CFAP299: variants seen among roughly 807,000 people sequenced by gnomAD.
The protein encoded by CFAP299 is cilia and flagella associated protein 299.
A neutral mutation model predicts 27.0 loss-of-function variants in CFAP299; 21 were observed. The ratio of observed to expected loss-of-function variants is 0.78; its 90% confidence interval spans 0.55 to 1.12. CFAP299 has a LOEUF of 1.12. Among genes scored for constraint, CFAP299 ranks in the 50% most tolerant of loss-of-function variants. The probability of loss-of-function intolerance (pLI) is 0.00; values close to 1 mark genes in which losing one functional copy is unlikely to be tolerated. For synonymous variants in CFAP299, 104 were observed against 98.1 expected (o/e 1.06, Z -0.36); for missense variants, 310 against 276.6 (o/e 1.12, Z -0.86).
intron 2 of CFAP299, among the ~76,000 whole-genome samples, chr4:80,551,863 C>T (rs1039402701): frequency 6.6e-6 from 1 of 151,940 alleles, no homozygotes; most frequent in Non-Finnish European, 1.5e-5. Flanking sequence ...TTTTTCCTGC[C>T]TCAGCCTCCC....
intron 2 of CFAP299, among the ~76,000 whole-genome samples, chr4:80,550,102 G>A (rs35219858): frequency 0.17 from 26,449 of 151,628 alleles, 3,289 homozygotes; most frequent in African/African-American, 0.35. Context: ...AATATTTTAT[G>A]ATTATTGTAT....
intron 3 of CFAP299, among the ~76,000 whole-genome samples, chr4:80,781,385 A>G (rs1726868283): frequency 6.6e-6 from 1 of 152,038 alleles, no homozygotes; most frequent in Non-Finnish European, 1.5e-5. Context: ...TGTGATATTG[A>G]TATATTAGAT....
intron 2 of CFAP299, among the ~76,000 whole-genome samples, chr4:80,552,095 A>G (rs976172134): frequency 2.0e-5 from 3 of 152,204 alleles, no homozygotes; most frequent in Admixed American, 2.0e-4. Flanking sequence ...TTAAGATAAA[A>G]GCATTCTATG....
intron 3 of CFAP299, among the ~76,000 whole-genome samples, chr4:80,611,996 A>G (rs1738007250): frequency 6.6e-6 from 1 of 152,098 alleles, no homozygotes; most frequent in Admixed American, 6.6e-5. Context: ...GCTGTGTGAA[A>G]TTCACAAATC....
intron 2 of CFAP299, among the ~76,000 whole-genome samples, chr4:80,457,823 T>A (rs2110103058): frequency 6.6e-6 from 1 of 152,292 alleles, no homozygotes; most frequent in East Asian, 1.9e-4. Flanking sequence ...CCATCTACAA[T>A]AGAGACTACT....
chr4:80,599,094 T>C (rs1737201220), intron 3 of CFAP299, among the ~76,000 whole-genome samples: 1 of 152,202 alleles, frequency 6.6e-6, no homozygotes, highest in South Asian at 2.1e-4. Flanking sequence ...AAGGAGAAAG[T>C]CTTTAAGTAT....
At chr4:80,841,612 A>T (rs1445939783) in intron 3 of CFAP299, among the ~76,000 whole-genome samples, 1 of 152,112 alleles carries the variant, frequency 6.6e-6, no homozygotes, top group Non-Finnish European at 1.5e-5. Context: ...ATTATATATG[A>T]TCCCAAATTA....
At chr4:80,535,171 A>C (rs1368932199) in intron 2 of CFAP299, among the ~76,000 whole-genome samples, 1 of 152,142 alleles carries the variant, frequency 6.6e-6, no homozygotes, top group Non-Finnish European at 1.5e-5. Context: ...GTGGGAAACT[A>C]GTTCCCGCTT....
At chr4:80,934,956 A>G (rs911479587) in intron 4 of CFAP299, among the ~76,000 whole-genome samples, 2 of 151,946 alleles carry the variant, frequency 1.3e-5, no homozygotes, top group Admixed American at 6.6e-5. Context: ...CTCCTTGAAT[A>G]TAAATTTAGA....
intron 2 of CFAP299, among the ~76,000 whole-genome samples, chr4:80,432,983 C>T (rs1390109416): frequency 6.6e-6 from 1 of 151,836 alleles, no homozygotes; most frequent in Non-Finnish European, 1.5e-5. Flanking sequence ...TCTTATATTC[C>T]TGATAGAGCA....
chr4:80,459,220 C>A (rs1729319310), intron 2 of CFAP299, among the ~76,000 whole-genome samples: 1 of 152,082 alleles, frequency 6.6e-6, no homozygotes, highest in African/African-American at 2.4e-5. Context: ...GAACTCCTGG[C>A]CTCTAGCAGT....
intron 3 of CFAP299, among the ~76,000 whole-genome samples, chr4:80,829,016 T>C (rs573976357): frequency 1.3e-5 from 2 of 151,802 alleles, no homozygotes; most frequent in Non-Finnish European, 2.9e-5. Context: ...TTCATAACAC[T>C]ATATTTGCAA....
intron 3 of CFAP299, among the ~76,000 whole-genome samples, chr4:80,712,659 G>A (rs1722243699): frequency 6.6e-6 from 1 of 151,988 alleles, no homozygotes; most frequent in African/African-American, 2.4e-5. Flanking sequence ...ATATTATAAT[G>A]TGTCTAAAGA....
At chr4:80,854,735 G>T (rs1215955629) in intron 3 of CFAP299, among the ~76,000 whole-genome samples, 2 of 149,252 alleles carry the variant, frequency 1.3e-5, no homozygotes, top group South Asian at 2.1e-4. Context: ...GGGAGCGTGG[G>T]CGTTTATGGT....
At chr4:80,763,420 G>A (rs142293531) in intron 3 of CFAP299, among the ~76,000 whole-genome samples, 1 of 151,936 alleles carries the variant, frequency 6.6e-6, no homozygotes, top group Admixed American at 6.6e-5. Flanking sequence ...CCTCTTCAAG[G>A]ACAACTACAA....
At chr4:80,722,675 C>T (rs980827273) in intron 3 of CFAP299, among the ~76,000 whole-genome samples, 3 of 152,042 alleles carry the variant, frequency 2.0e-5, no homozygotes, top group Admixed American at 1.3e-4. Context: ...CTGAGGCAGG[C>T]GGATCACGAG....
chr4:80,753,198 A>G (rs1016490453), intron 3 of CFAP299, among the ~76,000 whole-genome samples: 1 of 151,732 alleles, frequency 6.6e-6, no homozygotes, highest in East Asian at 1.9e-4. Flanking sequence ...AAATGTCTCT[A>G]TTTATTTTTG....
At chr4:80,418,460 A>G (rs887532770) in intron 2 of CFAP299, among the ~76,000 whole-genome samples, 2 of 152,258 alleles carry the variant, frequency 1.3e-5, no homozygotes, top group Admixed American at 6.5e-5. Context: ...TCTGATTAAC[A>G]TATCACCTCA....
chr4:80,701,825 T>G (rs899725592), intron 3 of CFAP299, among the ~76,000 whole-genome samples: 1 of 151,996 alleles, frequency 6.6e-6, no homozygotes, highest in African/African-American at 2.4e-5. Context: ...GCAAATGAAA[T>G]AGAATGATTA....
Sources: allele counts gnomAD v4.1 joint callset (sites outside exome capture counted in the v4.1 genomes callset), GRCh38; gene constraint gnomAD v4.1.1; transcripts MANE v1.5; gene names NCBI Gene and HGNC (gene_info 2026-07-23, HGNC 2026-07-21).